Variants in CFAP58 observed in about 807,000 individuals in gnomAD.
The protein encoded by CFAP58 is cilia- and flagella-associated protein 58.
Under a neutral mutation model 119.5 loss-of-function variants are expected in CFAP58, and 88 were observed. The ratio of observed to expected loss-of-function variants is 0.74; its 90% confidence interval spans 0.62 to 0.88. The LOEUF (loss-of-function observed/expected upper bound fraction) is 0.88, where lower values mean the gene tolerates loss of function less well. Among genes scored for constraint, CFAP58 ranks in the 40% least tolerant of loss-of-function variants. The pLI is 0.00. For missense variants in CFAP58, 990 were observed against 1,021.2 expected (o/e 0.97, Z 0.42); for synonymous variants, 365 against 366.3 (o/e 1.00, Z 0.04).
chr10:104,358,729 CATG>C, intron 2 of CFAP58, 107 bp downstream of exon 2: 1 of 1,018,202 alleles, frequency 9.8e-7, no homozygotes. Flanking sequence ...TAAAAATTTA[CATG>C]ATTTTATATT....
chr10:104,452,297 A>C (rs1056385546), intron 17 of CFAP58, among the ~76,000 whole-genome samples: 30 of 152,044 alleles, frequency 2.0e-4, no homozygotes, highest in Non-Finnish European at 2.4e-4. Flanking sequence ...GAAAATAATC[A>C]ATTAATAAAA....
intron 13 of CFAP58, 103 bp downstream of exon 13, chr10:104,401,006 G>A: frequency 1.3e-6 from 1 of 784,564 alleles, no homozygotes; most frequent in Non-Finnish European, 2.1e-6. Context: ...TCTTTATCGA[G>A]TTGTACAAAA....
At chr10:104,419,367 G>A (rs1484823005) in intron 15 of CFAP58, among the ~76,000 whole-genome samples, 1 of 152,106 alleles carries the variant, frequency 6.6e-6, no homozygotes, top group Non-Finnish European at 1.5e-5. Context: ...CTTAACCTCT[G>A]ATGGGCACAT....
rs757685439 is a variant in CFAP58, at chr10:104,376,850, A to C, written c.1130A>C (p.Lys377Thr). The C allele has an allele frequency of 6.2e-7, 1 of 1,613,714 alleles. No individual in the cohort carries two copies. The highest frequency in any genetic ancestry group is 8.5e-7 in the Non-Finnish European group (1 of 1,179,828). Residue 377 changes from lysine (K) to threonine (T), a missense_variant, in exon 8 of 18, where the codon AAG becomes ACG. Lys to Thr is a moderately conservative substitution (Grantham distance 78, BLOSUM62 -1). Coordinates refer to ENST00000369704, the MANE Select transcript of CFAP58 (RefSeq NM_001008723.2). ...ASKKQAELDR[K>T]AMDELLRERD... The stretch of plus-strand genomic sequence containing the variant: ...AAGAAACAAGCAGAACTTGACAGAA[A>C]GGCAATGGACGAGCTTCTAAGAGAA...
intron 5 of CFAP58, 120 bp from the exon 6 acceptor site, chr10:104,368,290 GAACAATTTCTACA>G: frequency 1.3e-6 from 1 of 757,462 alleles, no homozygotes; most frequent in South Asian, 2.0e-5. Flanking sequence ...CGGGAATAAA[GAACAATTTCTACA>G]AAGACAAAAA....
chr10:104,444,934 G>A (rs2013090930), intron 15 of CFAP58, among the ~76,000 whole-genome samples: 1 of 152,168 alleles, frequency 6.6e-6, no homozygotes, highest in Non-Finnish European at 1.5e-5. Flanking sequence ...TGGTAATTCA[G>A]TTTCTTCACT....
At chr10:104,374,643 A>C (rs920225809) in intron 7 of CFAP58, among the ~76,000 whole-genome samples, 1 of 151,964 alleles carries the variant, frequency 6.6e-6, no homozygotes, top group African/African-American at 2.4e-5. Flanking sequence ...TGGTTTTTAA[A>C]CATCTATCAG....
At chr10:104,376,620 A>T (rs1369292634) in intron 7 of CFAP58, among the ~76,000 whole-genome samples, 191 bp from the exon 8 acceptor site, 2 of 152,078 alleles carry the variant, frequency 1.3e-5, no homozygotes, top group African/African-American at 4.8e-5. Flanking sequence ...TGCAAGCCTC[A>T]GTTTCCATCT....
intron 15 of CFAP58, among the ~76,000 whole-genome samples, chr10:104,416,751 AC>A (rs1376404189): frequency 6.6e-6 from 1 of 152,206 alleles, no homozygotes; most frequent in Non-Finnish European, 1.5e-5. Flanking sequence ...AGTCCCCTTT[AC>A]AGACAAGGGA....
chr10:104,350,831 A>T (rs920079348), upstream of CFAP58, among the ~76,000 whole-genome samples: 24 of 152,176 alleles, frequency 1.6e-4, no homozygotes, highest in African/African-American at 5.5e-4. Context: ...TGTGCCTACC[A>T]TGCAGTACGT....
chr10:104,415,473 G>C (rs1204540864), intron 15 of CFAP58, among the ~76,000 whole-genome samples: 1 of 152,192 alleles, frequency 6.6e-6, no homozygotes, highest in Non-Finnish European at 1.5e-5. Context: ...GGGACATTGA[G>C]CTGCTTCCAA....
At chr10:104,448,278 G>C (rs2013141328) in intron 16 of CFAP58, among the ~76,000 whole-genome samples, 1 of 152,228 alleles carries the variant, frequency 6.6e-6, no homozygotes, top group Non-Finnish European at 1.5e-5. Flanking sequence ...CCAGCCCTGA[G>C]GGCCTTGCTT....
intron 15 of CFAP58, among the ~76,000 whole-genome samples, chr10:104,423,011 CTTTT>C (rs2012685692): frequency 6.6e-6 from 1 of 152,110 alleles, no homozygotes; most frequent in Admixed American, 6.5e-5. Flanking sequence ...ACTAAGATTT[CTTTT>C]TTTAATCCTT....
chr10:104,373,324 T>G (rs1041794445), intron 7 of CFAP58, among the ~76,000 whole-genome samples: 1 of 152,196 alleles, frequency 6.6e-6, no homozygotes, highest in Non-Finnish European at 1.5e-5. Context: ...ATACATTTAA[T>G]TTTTCCAAAA....
intron 7 of CFAP58, 23 bp downstream of exon 7, chr10:104,371,077 T>G (rs985113369): frequency 5.0e-6 from 8 of 1,587,650 alleles, no homozygotes; most frequent in Non-Finnish European, 6.8e-6. Flanking sequence ...GCGCTTTTAT[T>G]CATTTAGAAA....
chr10:104,389,306 A>C (rs2011987208), intron 9 of CFAP58, among the ~76,000 whole-genome samples: 2 of 152,164 alleles, frequency 1.3e-5, no homozygotes, highest in Non-Finnish European at 2.9e-5. Context: ...AGGATCCAGA[A>C]GCAAGTTTGT....
In CFAP58 at chr10:104,380,110, G is replaced by A. The variant is rs780446124; in HGVS notation, c.1255G>A (p.Gly419Arg). 3 of 1,614,070 alleles carry A rather than the reference G, an allele frequency of 1.9e-6. No homozygotes were observed. Among genetic ancestry groups the A allele is most frequent in the Admixed American group, 1.7e-5 (1 of 60,002 alleles). The change falls in exon 9 of 18, where the codon GGA becomes AGA. Residue 419 changes from glycine to arginine, a missense_variant. Transcript: ENST00000369704. ...TGAACAAGCCAAGAGGAACCTGGAGGGAGAAATCCAGAACTACAAGGATGA... is the reference window on the plus strand; with the variant it reads ...TGAACAAGCCAAGAGGAACCTGGAGAGAGAAATCCAGAACTACAAGGATGA... ...LHEQAKRNLE[G>R]EIQNYKDEAQ... is the part of the protein sequence containing the mutation.
In CFAP58 at chr10:104,376,923, A is replaced by C. The variant is rs763241259; in HGVS notation, c.1173+30A>C. The stretch of plus-strand genomic sequence containing the variant: ...GTGTGTTACAGTCACACTGGTAAAT[A>C]AATGTCTTTCTTCAGCACTGTAATA... On this transcript the variant is annotated intron_variant, in intron 8 of 17. Transcript: ENST00000369704. The C allele has an allele frequency of 9.1e-6, 14 of 1,542,478 alleles. No individual in the cohort carries two copies. In the African/African-American group the frequency reaches 1.6e-4, roughly 18 times the overall value.
At chr10:104,364,940 G>T (rs752399419) in intron 4 of CFAP58, 51 bp downstream of exon 4, 2 of 1,576,066 alleles carry the variant, frequency 1.3e-6, no homozygotes, top group East Asian at 2.3e-5. Context: ...GAGGATGTTT[G>T]TCCCTCCACA....
Sources: allele counts gnomAD v4.1 joint callset (sites outside exome capture counted in the v4.1 genomes callset), GRCh38; gene constraint gnomAD v4.1.1; transcripts MANE v1.5; gene names NCBI Gene and HGNC (gene_info 2026-07-23, HGNC 2026-07-21).